Variants in NTAN1 observed in about 807,000 individuals in gnomAD.
NTAN1 encodes the protein N-terminal asparagine amidase, also known as protein N-terminal asparagine amidohydrolase.
A neutral mutation model predicts 41.9 loss-of-function variants in NTAN1; 32 were observed. That is an observed-to-expected ratio of 0.76 (90% CI 0.58 to 1.03). The LOEUF is 1.03. NTAN1 is among the 50% of genes least tolerant of loss of function. The probability of loss-of-function intolerance (pLI) is 0.00; values close to 1 mark genes in which losing one functional copy is unlikely to be tolerated. For synonymous variants in NTAN1, 140 were observed against 139.5 expected (o/e 1.00, Z -0.03); for missense variants, 377 against 377.5 (o/e 1.00, Z 0.01).
At chr16:15,052,221 G>A (rs1219680346) in intron 1 of NTAN1, among the ~76,000 whole-genome samples, 1 of 152,148 alleles carries the variant, frequency 6.6e-6, no homozygotes, top group Non-Finnish European at 1.5e-5. Flanking sequence ...TACAGATGTG[G>A]CTGTGTTCCA....
chr16:15,049,971 G>T (rs1036877586), intron 1 of NTAN1, among the ~76,000 whole-genome samples: 4 of 152,292 alleles, frequency 2.6e-5, no homozygotes, highest in South Asian at 4.1e-4. Context: ...ATACTGGAAG[G>T]AAATTTCACC....
Position 15,041,623 on chromosome 16 carries a change from C to T in NTAN1, c.487G>A (p.Glu163Lys). ...DIHLVTLCVT[E>K]LNDREENENH... Reference sequence around the variant, plus strand: ...CTTTGGGGCAAATGGCAGGACTTACCTGTCACACATAATGTCACTAAGTGA... The same window carrying T: ...CTTTGGGGCAAATGGCAGGACTTACTTGTCACACATAATGTCACTAAGTGA... The change falls in exon 6 of 10, where the codon GAA becomes AAA. Residue 163 changes from glutamate to lysine, a missense_variant and splice_region_variant. Transcript: ENST00000287706. The T allele has an allele frequency of 6.2e-7, 1 of 1,608,200 alleles. No individual in the cohort carries two copies. Among genetic ancestry groups the T allele is most frequent in the Non-Finnish European group, 8.5e-7 (1 of 1,174,546 alleles).
chr16:15,055,375 C>G lies in NTAN1; in HGVS notation c.81+516G>C, dbSNP rs143760059. Among the ~76,000 whole-genome samples the G allele has an allele frequency of 9.0e-3, 1,365 of 152,328 alleles. 24 individuals are homozygous for G. Among genetic ancestry groups the G allele is most frequent in the African/African-American group, 0.031 (1,301 of 41,580 alleles). On this transcript the variant is annotated intron_variant, in intron 1 of 9. Transcript: ENST00000287706. ...GCTAAAAATAACTCGGCGCCCTACGCCCCGGGGGTAGGGGAGAGAGAGGAG... is the reference window on the plus strand; with the variant it reads ...GCTAAAAATAACTCGGCGCCCTACGGCCCGGGGGTAGGGGAGAGAGAGGAG...
At chr16:15,040,797 C>G (rs1344124690) in intron 7 of NTAN1, among the ~76,000 whole-genome samples, 1 of 152,138 alleles carries the variant, frequency 6.6e-6, no homozygotes, top group African/African-American at 2.4e-5. Flanking sequence ...TTTCCCAGCT[C>G]CTGGGAAGGG....
chr16:15,050,463 T>C (rs1046773783), intron 1 of NTAN1, among the ~76,000 whole-genome samples: 20 of 152,206 alleles, frequency 1.3e-4, no homozygotes, highest in Non-Finnish European at 2.8e-4. Flanking sequence ...CTGGGTGTGA[T>C]GGCTCCCAAC....
intron 1 of NTAN1, among the ~76,000 whole-genome samples, chr16:15,050,071 ATTG>A (rs1465000208): frequency 6.6e-6 from 1 of 152,214 alleles, no homozygotes. Flanking sequence ...TCACATAGTT[ATTG>A]TTAGAATACA....
rs970605340 is a variant in NTAN1, at chr16:15,038,066, C to T, written c.898G>A (p.Gly300Ser). Residue 300 changes from glycine to serine, a missense_variant, in exon 10 of 10, where the codon GGC becomes AGC. Gly to Ser is a moderately conservative substitution (Grantham distance 56). Transcript: ENST00000287706. ...GGAGAAGAGATCTTTTCCCACAAGCCATCTTCATTTTTTTTGTAGAGTAGG... is the reference window on the plus strand; with the variant it reads ...GGAGAAGAGATCTTTTCCCACAAGCTATCTTCATTTTTTTTGTAGAGTAGG... ...KALLYKKNED[G>S]LWEKISSPGS is the part of the protein sequence containing the mutation. 3.0e-5 allele frequency: 49 copies of T among 1,612,400 alleles called. No homozygotes were observed. The highest frequency in any genetic ancestry group is 4.2e-5 in the Non-Finnish European group (49 of 1,179,494).
At chr16:15,050,127 A>G (rs2044239710) in intron 1 of NTAN1, among the ~76,000 whole-genome samples, 1 of 152,246 alleles carries the variant, frequency 6.6e-6, no homozygotes, top group South Asian at 2.1e-4. Flanking sequence ...GTATGTTAAT[A>G]CTAAGTGTCA....
intron 7 of NTAN1, 141 bp from the exon 8 acceptor site, chr16:15,040,207 C>A: frequency 2.2e-6 from 1 of 456,866 alleles, no homozygotes; most frequent in Non-Finnish European, 3.9e-6. Context: ...ACTTCCCCCT[C>A]CCTGGAGGGG....
At position 15,040,215 on chromosome 16, in the gene NTAN1, G is replaced by A. The variant is rs907577283; in HGVS notation, c.542-149C>T. ...TATCTGGACTTCCCCCTCCCTGGAG[G>A]GGGAAAATGCAACCTTTACCCCAAG... is the stretch of plus-strand genomic sequence containing the variant. On this transcript the variant is annotated intron_variant, in intron 7 of 9. Transcript: ENST00000287706. The A allele has an allele frequency of 6.3e-5, 28 of 446,786 alleles. 1 individual carries two copies. The highest frequency in any genetic ancestry group is 4.8e-5 in the Non-Finnish European group (12 of 251,976). 27.7% of individuals were successfully genotyped at this position (446,786 alleles called of 1,614,324 possible). A position where few individuals can be genotyped will look rare whatever the true frequency, so the allele number is the denominator to read the frequency against.
In NTAN1 at chr16:15,044,366, T is replaced by C. The variant is rs1393698475; in HGVS notation, c.401A>G (p.Gln134Arg). The change falls in exon 5 of 10, where the codon CAG becomes CGG. Residue 134 changes from glutamine to arginine, a missense_variant. Gln to Arg is a conservative substitution (Grantham distance 43). Coordinates refer to ENST00000287706, the MANE Select transcript of NTAN1 (RefSeq NM_173474.4). ...HLVGGFSDDR[Q>R]LSQKLTHQLL... ...TTGATGAGTGAGTTTTTGTGACAAC[T>C]GCCTGTCGTCACTGAAGCCTCCAAC... 6.2e-7 allele frequency: 1 copy of C among 1,613,230 alleles called. No individual in the cohort carries two copies. The highest frequency in any genetic ancestry group is 8.5e-7 in the Non-Finnish European group (1 of 1,179,338).
intron 8 of NTAN1, among the ~76,000 whole-genome samples, chr16:15,039,325 C>A (rs1162599641): frequency 6.6e-6 from 1 of 152,204 alleles, no homozygotes; most frequent in Non-Finnish European, 1.5e-5. Flanking sequence ...ACACATTTCC[C>A]AGTGAAAACA....
intron 1 of NTAN1, among the ~76,000 whole-genome samples, chr16:15,051,629 C>T (rs573194782): frequency 3.3e-5 from 5 of 152,190 alleles, no homozygotes; most frequent in African/African-American, 1.2e-4. Flanking sequence ...GAACCACAGG[C>T]GCACGCCACC....
intron 1 of NTAN1, among the ~76,000 whole-genome samples, chr16:15,055,206 C>A (rs1022749867): frequency 6.6e-6 from 1 of 152,146 alleles, no homozygotes; most frequent in Non-Finnish European, 1.5e-5. Flanking sequence ...AACCTGAGAA[C>A]CCCCTTGCCA....
chr16:15,038,495 G>C (rs906398972), intron 9 of NTAN1, 79 bp downstream of exon 9: 1 of 830,566 alleles, frequency 1.2e-6, no homozygotes, highest in Non-Finnish European at 2.0e-6. Context: ...GCTATGACCT[G>C]GTCTAAACCC....
intron 1 of NTAN1, among the ~76,000 whole-genome samples, chr16:15,053,181 C>T (rs2044363025): frequency 1.3e-5 from 2 of 152,216 alleles, no homozygotes; most frequent in Admixed American, 1.3e-4. Context: ...TACTGAATAG[C>T]GCAGCTCCAG....
At chr16:15,039,269 CCTT>C (rs1035268316) in intron 8 of NTAN1, among the ~76,000 whole-genome samples, 2 of 152,180 alleles carry the variant, frequency 1.3e-5, no homozygotes, top group Non-Finnish European at 2.9e-5. Context: ...CTGTTACACT[CCTT>C]GAGAAGTCCT....
Position 15,041,610 on chromosome 16 carries a change from T to C in NTAN1, c.487+13A>G, listed in dbSNP as rs777914622. The C allele has an allele frequency of 6.2e-7, 1 of 1,601,064 alleles. No homozygotes were observed. Among genetic ancestry groups the C allele is most frequent in the Non-Finnish European group, 8.6e-7 (1 of 1,168,072 alleles). ...ACCCACATCTTTGCTTTGGGGCAAATGGCAGGACTTACCTGTCACACATAA... is the reference window on the plus strand; with the variant it reads ...ACCCACATCTTTGCTTTGGGGCAAACGGCAGGACTTACCTGTCACACATAA... On this transcript the variant is annotated intron_variant, in intron 6 of 9. Transcript: ENST00000287706.
At position 15,048,114 on chromosome 16, in the gene NTAN1, A is replaced by G. The variant is rs1182356991; in HGVS notation, c.82-15T>C. On this transcript the variant is annotated splice_polypyrimidine_tract_variant and intron_variant, in intron 1 of 9. Transcript: ENST00000287706. ...CTGGCTCTTTCCTGTTTAATTAAAA[A>G]AAAAATAAAATAGTGATGTAAATTA... is the stretch of plus-strand genomic sequence containing the variant. The G allele has an allele frequency of 4.6e-6, 7 of 1,523,832 alleles. No homozygotes were observed. The highest frequency in any genetic ancestry group is 6.3e-6 in the Non-Finnish European group (7 of 1,113,302). 94.4% of individuals were successfully genotyped at this position (1,523,832 alleles called of 1,614,324 possible). A position where few individuals can be genotyped will look rare whatever the true frequency, so the allele number is the denominator to read the frequency against.
Sources: gnomAD v4.1 joint callset for allele counts (sites outside exome capture counted in the v4.1 genomes callset) on GRCh38, gnomAD v4.1.1 for gene constraint, MANE v1.5 for transcripts, NCBI Gene and HGNC (gene_info 2026-07-23, HGNC 2026-07-21) for gene names.